Variants in GRID1 observed in about 807,000 individuals in gnomAD.
GRID1 encodes glutamate receptor ionotropic, delta-1.
GRID1 carries 28 observed loss-of-function variants against 98.0 expected under a neutral mutation model. The observed-to-expected ratio is 0.29, with a 90% CI of 0.21 to 0.39. The LOEUF (loss-of-function observed/expected upper bound fraction) is 0.39. GRID1 is among the 10% of genes least tolerant of loss of function. The probability of loss-of-function intolerance (pLI) is 1.00; values close to 1 mark genes in which losing one functional copy is unlikely to be tolerated. For missense variants in GRID1, 1,111 were observed against 1,340.5 expected (o/e 0.83, Z 2.67); for synonymous variants, 553 against 538.5 (o/e 1.03, Z -0.37).
At chr10:86,248,290 C>T (rs908920755) in intron 2 of GRID1, among the ~76,000 whole-genome samples, 1 of 152,182 alleles carries the variant, frequency 6.6e-6, no homozygotes, top group Non-Finnish European at 1.5e-5. Context: ...TGAGGCCCCA[C>T]GCACAGCACC....
At chr10:85,753,865 C>T (rs1475335774) in intron 8 of GRID1, among the ~76,000 whole-genome samples, 2 of 152,160 alleles carry the variant, frequency 1.3e-5, no homozygotes, top group East Asian at 1.9e-4. Flanking sequence ...AGGTGATACA[C>T]CAAGACTTTC....
chr10:85,736,093 GGA>G, intron 8 of GRID1, among the ~76,000 whole-genome samples: 1 of 142,722 alleles, frequency 7.0e-6, no homozygotes, highest in African/African-American at 2.6e-5. Flanking sequence ...AAGGAAGGAA[GGA>G]AGGAGAGAAG....
At chr10:85,773,541 T>G (rs919702069) in intron 8 of GRID1, among the ~76,000 whole-genome samples, 10 of 152,204 alleles carry the variant, frequency 6.6e-5, no homozygotes, top group Non-Finnish European at 1.5e-4. Context: ...ATTGTCCCTG[T>G]TTGCAGATGA....
chr10:85,800,561 T>C (rs1301297199), intron 8 of GRID1, among the ~76,000 whole-genome samples: 1 of 151,932 alleles, frequency 6.6e-6, no homozygotes, highest in Non-Finnish European at 1.5e-5. Flanking sequence ...ATTTATAGAA[T>C]ATAGCAAAAG....
At chr10:85,627,178 G>C (rs1287980995) in intron 13 of GRID1, among the ~76,000 whole-genome samples, 13 of 152,194 alleles carry the variant, frequency 8.5e-5, no homozygotes, top group Admixed American at 8.5e-4. Context: ...GCACCCCTGA[G>C]CTATGAACCA....
At chr10:85,625,953 G>T (rs548669398) in intron 13 of GRID1, among the ~76,000 whole-genome samples, 4 of 152,172 alleles carry the variant, frequency 2.6e-5, no homozygotes, top group African/African-American at 9.7e-5. Context: ...TTTAAGGCAA[G>T]AACCTCATTA....
At chr10:85,869,256 A>G in intron 5 of GRID1, 76 bp from the exon 6 acceptor site, 4 of 1,322,634 alleles carry the variant, frequency 3.0e-6, no homozygotes, top group Non-Finnish European at 4.3e-6. Flanking sequence ...GGAGGCATCT[A>G]GGCCAGCAGC....
rs544250948 is a variant in GRID1, at chr10:86,365,345, G to A, written c.79+969C>T. 3.0e-4 allele frequency among the ~76,000 whole-genome samples: 44 copies of A among 147,762 alleles called. No individual in the cohort carries two copies. Among genetic ancestry groups the A allele is most frequent in the African/African-American group, 1.0e-3 (41 of 39,584 alleles). The stretch of plus-strand genomic sequence containing the variant: ...TTTCCCAACTTCCGGAAAGACGACT[G>A]CGGAGGGACTCCCCCAAAGCGACCG... On this transcript the variant is annotated intron_variant, in intron 1 of 15. Coordinates refer to ENST00000327946, the MANE Select transcript of GRID1 (RefSeq NM_017551.3). This position sits in a 1 kb window ranked among gnomAD's most constrained non-coding sequence, Gnocchi z 4.8.
intron 4 of GRID1, among the ~76,000 whole-genome samples, chr10:86,091,171 C>T (rs888081238): frequency 3.3e-5 from 5 of 152,168 alleles, no homozygotes; most frequent in Non-Finnish European, 7.4e-5. Context: ...ATCTGGTGTT[C>T]AGACTTCACA....
At chr10:86,228,566 T>A (rs1042840765) in intron 2 of GRID1, among the ~76,000 whole-genome samples, 4 of 152,074 alleles carry the variant, frequency 2.6e-5, no homozygotes, top group Admixed American at 6.5e-5. Context: ...TGGCCAGGCA[T>A]CCCAGAGCTG....
chr10:85,988,183 C>A (rs1009859642), intron 4 of GRID1, among the ~76,000 whole-genome samples: 7 of 152,122 alleles, frequency 4.6e-5, no homozygotes, highest in African/African-American at 1.7e-4. Context: ...CCACCCCACT[C>A]CCCACTACTC....
chr10:85,892,218 A>C (rs947076471), intron 5 of GRID1, among the ~76,000 whole-genome samples: 2 of 147,850 alleles, frequency 1.4e-5, no homozygotes, highest in African/African-American at 5.0e-5. Flanking sequence ...AAAAAAAACA[A>C]AAAAAAAAAC....
At chr10:86,033,832 C>T (rs1337998831) in intron 4 of GRID1, among the ~76,000 whole-genome samples, 1 of 152,208 alleles carries the variant, frequency 6.6e-6, no homozygotes, top group Non-Finnish European at 1.5e-5. Flanking sequence ...TTCCCACCAA[C>T]CAGCTCCAGT....
At chr10:85,946,391 A>T (rs1842053973) in intron 4 of GRID1, among the ~76,000 whole-genome samples, 1 of 152,222 alleles carries the variant, frequency 6.6e-6, no homozygotes, top group Admixed American at 6.5e-5. Context: ...CCCAAGTGTC[A>T]ACTCGTGTTA....
chr10:86,057,571 T>C (rs1219777405), intron 4 of GRID1, among the ~76,000 whole-genome samples: 2 of 152,214 alleles, frequency 1.3e-5, no homozygotes, highest in Non-Finnish European at 2.9e-5. Flanking sequence ...CTTCCCTTGC[T>C]GGGTTCCCAA....
chr10:86,011,081 T>C (rs1053852195), intron 4 of GRID1, among the ~76,000 whole-genome samples: 1 of 152,050 alleles, frequency 6.6e-6, no homozygotes, highest in Non-Finnish European at 1.5e-5. Flanking sequence ...AGAATAGAGA[T>C]GGTCAAAATG....
In GRID1 at chr10:85,677,824, AT is replaced by A. The variant is rs1186148752; in HGVS notation, c.1998-30428del. Reference sequence around the variant, plus strand: ...GAATATTCACGGAAGTGAGAAAAGCATGCACAATGGGGGGAGGTGAAGAGAG... The same window carrying A: ...GAATATTCACGGAAGTGAGAAAAGCAGCACAATGGGGGGAGGTGAAGAGAG... On this transcript the variant is annotated intron_variant, in intron 12 of 15. Transcript: ENST00000327946. 2.0e-5 allele frequency among the ~76,000 whole-genome samples: 3 copies of A among 152,186 alleles called. No individual in the cohort carries two copies. In the East Asian group the frequency reaches 5.8e-4, roughly 29 times the overall value.
chr10:85,600,837 C>A lies in GRID1; in HGVS notation c.*1436G>T, dbSNP rs1379587826. The A allele has an allele frequency of 1.3e-5, 2 of 152,246 alleles. No homozygotes were observed. The highest frequency in any genetic ancestry group is 4.8e-5 in the African/African-American group (2 of 41,448). The allele number at this position is 152,246 out of a possible 1,614,324, so 9.4% of individuals were successfully genotyped here. A position where few individuals can be genotyped will look rare whatever the true frequency, so the allele number is the denominator to read the frequency against. Reference sequence around the variant, plus strand: ...GGGCTTCCCTGCAGCTGTACCTGCACAGGGATAGGCCTGGAAATCTCAGAG... The same window carrying A: ...GGGCTTCCCTGCAGCTGTACCTGCAAAGGGATAGGCCTGGAAATCTCAGAG... On this transcript the variant is annotated 3_prime_UTR_variant, in exon 16 of 16. Transcript: ENST00000327946.
chr10:85,876,107 C>T (rs1258293216), intron 5 of GRID1, among the ~76,000 whole-genome samples: 1 of 152,220 alleles, frequency 6.6e-6, no homozygotes, highest in East Asian at 1.9e-4. Context: ...GCTTCCACTG[C>T]TGTCCAGTGT....
Sources: gnomAD v4.1 joint callset for allele counts (sites outside exome capture counted in the v4.1 genomes callset) on GRCh38, gnomAD v4.1.1 for gene constraint, Gnocchi (gnomAD v3.1) non-coding constraint, MANE v1.5 for transcripts, NCBI Gene and HGNC (gene_info 2026-07-23, HGNC 2026-07-21) for gene names.